PPIP5K2: variants seen among roughly 807,000 people sequenced by gnomAD.
PPIP5K2 encodes inositol hexakisphosphate and diphosphoinositol-pentakisphosphate kinase 2.
PPIP5K2 carries 105 observed loss-of-function variants against 154.6 expected under a neutral mutation model. That is an observed-to-expected ratio of 0.68 (90% CI 0.58 to 0.80). The LOEUF is 0.80. PPIP5K2 is among the 30% of genes least tolerant of loss of function. The pLI is 0.00. For missense variants in PPIP5K2, 992 were observed against 1,504.6 expected (o/e 0.66, Z 5.64); for synonymous variants, 480 against 490.3 (o/e 0.98, Z 0.28).
chr5:103,184,124 A>T (rs1799990957), intron 25 of PPIP5K2: 1 of 152,296 alleles, frequency 6.6e-6, no homozygotes, highest in Non-Finnish European at 1.5e-5. Context: ...ATTACATTGG[A>T]AGGTCTACTG....
rs1801171463 is a variant in PPIP5K2 at position 103,191,171 on chromosome 5, C to A, written c.3493+189C>A. ...ACTGTACCTCTTTTTTTTACTCTGCCAAAATCTTTTCTTCTTACCAAAAAA... is the reference window on the plus strand; with the variant it reads ...ACTGTACCTCTTTTTTTTACTCTGCAAAAATCTTTTCTTCTTACCAAAAAA... On this transcript the variant is annotated intron_variant, in intron 29 of 30. Transcript: ENST00000358359. 4 of 418,622 alleles carry A rather than the reference C, an allele frequency of 9.6e-6. No individual in the cohort carries two copies. The East Asian group carries it at 1.2e-4, about 12-fold the overall frequency. The allele number at this position is 418,622 out of a possible 1,614,324, so 25.9% of individuals were successfully genotyped here.
intron 1 of PPIP5K2, among the ~76,000 whole-genome samples, chr5:103,125,393 A>G (rs1472749481): frequency 1.3e-5 from 2 of 152,102 alleles, no homozygotes; most frequent in African/African-American, 4.8e-5. Context: ...AATTGGAGTC[A>G]GTCAGGTTTT....
chr5:103,184,557 ATAT>A, intron 25 of PPIP5K2, 112 bp from the exon 26 acceptor site: 1 of 700,968 alleles, frequency 1.4e-6, no homozygotes, highest in Non-Finnish European at 2.4e-6. Flanking sequence ...ATTTCTACTA[ATAT>A]TTATCATACA....
At chr5:103,162,350 C>CTTTTTTTTTTTTTTTTTTTTTTTT (rs200973581) in intron 17 of PPIP5K2, among the ~76,000 whole-genome samples, 3 of 138,554 alleles carry the variant, frequency 2.2e-5, no homozygotes, top group Non-Finnish European at 3.1e-5. Flanking sequence ...GATGTGTTTT[C>CTTTTTTTTTTTTTTTTTTTTTTTT]TTTTTTTTTT....
rs782648547 is a variant in PPIP5K2 at position 103,167,330 on chromosome 5, T to C, written c.2062+10T>C. The C allele has an allele frequency of 2.5e-5, 38 of 1,547,070 alleles. No homozygotes were observed. The highest frequency in any genetic ancestry group is 3.3e-5 in the Non-Finnish European group (38 of 1,148,188). ...GATCCTAAATCATCAGGTAAATATG[T>C]TTTTCTTAGAGCATAGAACAAATAA... On this transcript the variant is annotated intron_variant, in intron 18 of 30. Coordinates refer to ENST00000358359, the MANE Select transcript of PPIP5K2 (RefSeq NM_001276277.3).
At chr5:103,150,027 CTGACATT>C (rs1229645537) in intron 8 of PPIP5K2, among the ~76,000 whole-genome samples, 1 of 152,058 alleles carries the variant, frequency 6.6e-6, no homozygotes, top group Non-Finnish European at 1.5e-5. Context: ...TTTTTTACTT[CTGACATT>C]TGACTAATTC....
At chr5:103,167,498 A>G (rs1797312555) in intron 18 of PPIP5K2, among the ~76,000 whole-genome samples, 178 bp downstream of exon 18, 1 of 152,008 alleles carries the variant, frequency 6.6e-6, no homozygotes, top group Non-Finnish European at 1.5e-5. Flanking sequence ...GTTTTTATCC[A>G]TGACAGCATG....
At chr5:103,201,110 A>G (rs1802914502) in intron 30 of PPIP5K2, among the ~76,000 whole-genome samples, 1 of 152,358 alleles carries the variant, frequency 6.6e-6, no homozygotes, top group African/African-American at 2.4e-5. Context: ...AGTTCAGTTT[A>G]TGCATATTAA....
intron 14 of PPIP5K2, among the ~76,000 whole-genome samples, chr5:103,156,510 G>T (rs920478416): frequency 9.2e-5 from 14 of 152,300 alleles, no homozygotes; most frequent in African/African-American, 3.4e-4. Flanking sequence ...CAAAAGAAAA[G>T]GGTAGGGATT....
At chr5:103,150,200 T>C (rs1554210806) in intron 8 of PPIP5K2, among the ~76,000 whole-genome samples, 1 of 152,210 alleles carries the variant, frequency 6.6e-6, no homozygotes, top group East Asian at 1.9e-4. Context: ...TAAATAATTA[T>C]TTTGTGCCTT....
intron 3 of PPIP5K2, among the ~76,000 whole-genome samples, 189 bp downstream of exon 3, chr5:103,133,837 G>A (rs1359896445): frequency 2.6e-5 from 4 of 151,978 alleles, no homozygotes; most frequent in African/African-American, 9.7e-5. Context: ...TTAATTTAGT[G>A]TCATAGTGTA....
chr5:103,135,424 T>C (rs1306672686), intron 3 of PPIP5K2, among the ~76,000 whole-genome samples: 1 of 152,172 alleles, frequency 6.6e-6, no homozygotes, highest in African/African-American at 2.4e-5. Context: ...TTGGAGACTT[T>C]GTGTCAATTT....
At chr5:103,178,954 A>G (rs781946404) in intron 23 of PPIP5K2, among the ~76,000 whole-genome samples, 2 of 151,762 alleles carry the variant, frequency 1.3e-5, no homozygotes, top group Non-Finnish European at 2.9e-5. Flanking sequence ...TGTTTTTGTC[A>G]TATTAAATTT....
At chr5:103,156,101 G>T in intron 14 of PPIP5K2, 107 bp downstream of exon 14, 1 of 667,692 alleles carries the variant, frequency 1.5e-6, no homozygotes, top group Non-Finnish European at 2.5e-6. Context: ...GGAATGGCAT[G>T]GTGAGGAAAA....
At chr5:103,153,958 A>G in intron 11 of PPIP5K2, 24 bp downstream of exon 11, 6 of 1,484,008 alleles carry the variant, frequency 4.0e-6, no homozygotes, top group Non-Finnish European at 5.6e-6. Context: ...TGAATAATTT[A>G]ACATGCATGA....
chr5:103,153,217 G>T (rs1554211899), intron 10 of PPIP5K2, among the ~76,000 whole-genome samples: 1 of 151,458 alleles, frequency 6.6e-6, no homozygotes, highest in Non-Finnish European at 1.5e-5. Flanking sequence ...ATGATGGGGG[G>T]AACTAATTTT....
chr5:103,141,257 G>A (rs577346795), intron 5 of PPIP5K2, among the ~76,000 whole-genome samples: 1 of 152,204 alleles, frequency 6.6e-6, no homozygotes, highest in South Asian at 2.1e-4. Context: ...AAGGTGGCAC[G>A]TCTGGAGTCT....
intron 6 of PPIP5K2, among the ~76,000 whole-genome samples, chr5:103,147,667 A>G (rs1231443011): frequency 6.6e-6 from 1 of 151,962 alleles, no homozygotes; most frequent in Non-Finnish European, 1.5e-5. Flanking sequence ...CTTGAGTTAC[A>G]TGCAGCAACC....
chr5:103,189,788 A>G (rs1800943693), intron 28 of PPIP5K2, among the ~76,000 whole-genome samples: 1 of 152,070 alleles, frequency 6.6e-6, no homozygotes, highest in Admixed American at 6.6e-5. Flanking sequence ...TTCCTTCAAT[A>G]TTTAAATGAA....
Sources: gnomAD v4.1 joint callset for allele counts (sites outside exome capture counted in the v4.1 genomes callset) on GRCh38, gnomAD v4.1.1 for gene constraint, MANE v1.5 for transcripts, NCBI Gene and HGNC (gene_info 2026-07-23, HGNC 2026-07-21) for gene names.